The following PKIA variants were observed in gnomAD, a reference collection of about 807,000 sequenced individuals.
PKIA encodes the protein cAMP-dependent protein kinase inhibitor alpha, also known as PKI-alpha.
In PKIA, 4 loss-of-function variants were observed where a neutral mutation model predicts 7.6. The observed-to-expected ratio is 0.52, with a 90% CI of 0.26 to 1.20. The LOEUF (loss-of-function observed/expected upper bound fraction) is 1.20. PKIA is among the 50% of genes most tolerant of loss of function. The pLI is 0.13. For synonymous variants in PKIA, 21 were observed against 30.7 expected, an observed-to-expected ratio of 0.68 and a Z score of 1.04; for missense variants, 73 against 86.2, an observed-to-expected ratio of 0.85 and a Z score of 0.61.
At chr8:78,544,523 G>A (rs184912766) in intron 1 of PKIA, among the ~76,000 whole-genome samples, 131 of 152,258 alleles carry the variant, frequency 8.6e-4, no homozygotes, top group Admixed American at 3.0e-3. Flanking sequence ...TGTTTCCAGT[G>A]CCTACACTGC....
chr8:78,575,482 A>G (rs1196964787), intron 2 of PKIA, among the ~76,000 whole-genome samples: 1 of 151,966 alleles, frequency 6.6e-6, no homozygotes, highest in East Asian at 1.9e-4. Flanking sequence ...TTATCACTGT[A>G]TAATACAATG....
intron 1 of PKIA, among the ~76,000 whole-genome samples, chr8:78,546,607 T>A (rs975691295): frequency 2.0e-5 from 3 of 152,142 alleles, no homozygotes; most frequent in Non-Finnish European, 2.9e-5. Flanking sequence ...TGAGTTAAAA[T>A]TAAATGAGAT....
At chr8:78,559,173 C>T (rs1054922594) in intron 1 of PKIA, among the ~76,000 whole-genome samples, 3 of 152,148 alleles carry the variant, frequency 2.0e-5, no homozygotes, top group Non-Finnish European at 2.9e-5. Flanking sequence ...CCACCCGCCT[C>T]GGCCTCCCAA....
chr8:78,521,713 ATT>A (rs530305496), intron 1 of PKIA, among the ~76,000 whole-genome samples: 1 of 151,718 alleles, frequency 6.6e-6, no homozygotes, highest in African/African-American at 2.4e-5. Context: ...TATAATTAAA[ATT>A]TTTTTTCTGG....
chr8:78,583,777 T>A lies in PKIA; in HGVS notation c.-28+10838T>A, dbSNP rs563673951. On this transcript the variant is annotated intron_variant, in intron 2 of 3. Coordinates refer to ENST00000396418, the MANE Select transcript of PKIA (RefSeq NM_006823.4). ...TTGACCTAATCTATTATAACCTTCC[T>A]TAACCCATTTATGCCTAGTGTTCCA... Among the ~76,000 whole-genome samples the A allele has an allele frequency of 2.0e-5, 3 of 152,190 alleles. No individual in the cohort carries two copies. The East Asian group carries it at 5.8e-4, about 30-fold the overall frequency.
chr8:78,520,486 T>G (rs1007471911), intron 1 of PKIA, among the ~76,000 whole-genome samples: 1 of 152,208 alleles, frequency 6.6e-6, no homozygotes, highest in Admixed American at 6.5e-5. Flanking sequence ...TCTCATTTGA[T>G]GTTTATACTA....
chr8:78,527,370 ATAAT>A (rs1440084837), intron 1 of PKIA, among the ~76,000 whole-genome samples: 4 of 151,976 alleles, frequency 2.6e-5, no homozygotes, highest in African/African-American at 9.7e-5. Flanking sequence ...ATTATAAACT[ATAAT>A]TATGTATATG....
At chr8:78,598,657 C>A in intron 3 of PKIA, 122 bp downstream of exon 3, 2 of 728,576 alleles carry the variant, frequency 2.7e-6, no homozygotes, top group Non-Finnish European at 2.3e-6. Flanking sequence ...TTTAAACAAT[C>A]TAAGGCAAGA....
intron 1 of PKIA, among the ~76,000 whole-genome samples, chr8:78,572,452 C>G (rs1183374199): frequency 6.6e-6 from 1 of 151,400 alleles, no homozygotes; most frequent in Non-Finnish European, 1.5e-5. Flanking sequence ...AAAGAAAAGA[C>G]AGAAAACTTG....
chr8:78,534,200 GT>G (rs1470535138), intron 1 of PKIA: 1 of 152,032 alleles, frequency 6.6e-6, no homozygotes, highest in African/African-American at 2.4e-5. Context: ...TTTCCCATCA[GT>G]TTTATTTCAC....
At chr8:78,532,772 A>T (rs1806421063) in intron 1 of PKIA, among the ~76,000 whole-genome samples, 1 of 151,794 alleles carries the variant, frequency 6.6e-6, no homozygotes, top group African/African-American at 2.4e-5. Flanking sequence ...AAAATTAGCC[A>T]GGCATGATAG....
intron 3 of PKIA, among the ~76,000 whole-genome samples, chr8:78,599,418 C>T (rs1292866532): frequency 2.6e-5 from 4 of 151,912 alleles, no homozygotes; most frequent in African/African-American, 9.7e-5. Flanking sequence ...TAAGGTAAAA[C>T]CTTTAGATTA....
At chr8:78,595,566 T>G (rs1157269319) in intron 2 of PKIA, among the ~76,000 whole-genome samples, 1 of 152,214 alleles carries the variant, frequency 6.6e-6, no homozygotes, top group Admixed American at 6.5e-5. Context: ...TATAGTTTTT[T>G]GATCCTCACC....
intron 3 of PKIA, among the ~76,000 whole-genome samples, chr8:78,601,433 T>C (rs1324863389): frequency 6.6e-6 from 1 of 152,050 alleles, no homozygotes; most frequent in East Asian, 1.9e-4. Context: ...TATACCTAAG[T>C]GACATGACCT....
chr8:78,523,980 T>TTATAAATATATAAACATTTATATA lies in PKIA; in HGVS notation c.-157+7524_-157+7525insAACATTTATATATATAAATATATA, dbSNP rs1809472228. ...TATATAAATATATAAACATTTATAT[T>TTATAAATATATAAACATTTATATA]TATAAATATATATAAACATTTATAT... On this transcript the variant is annotated intron_variant, in intron 1 of 3. Coordinates refer to ENST00000396418, the MANE Select transcript of PKIA (RefSeq NM_006823.4). Among the ~76,000 whole-genome samples the TTATAAATATATAAACATTTATATA allele has an allele frequency of 7.9e-5, 7 of 88,428 alleles. 1 individual carries two copies. The highest frequency in any genetic ancestry group is 4.1e-4 in the African/African-American group (7 of 17,272). The allele number at this position is 88,428 out of a possible 152,430, so 58.0% of individuals were successfully genotyped here. A position where few individuals can be genotyped will look rare whatever the true frequency, so the allele number is the denominator to read the frequency against.
chr8:78,547,556 A>T (rs1347821956), intron 1 of PKIA, among the ~76,000 whole-genome samples: 1 of 152,186 alleles, frequency 6.6e-6, no homozygotes, highest in Non-Finnish European at 1.5e-5. Context: ...TACCAAAATC[A>T]TTCTGTAAAA....
chr8:78,533,396 T>C (rs757970658), intron 1 of PKIA, among the ~76,000 whole-genome samples: 4 of 152,164 alleles, frequency 2.6e-5, no homozygotes, highest in Non-Finnish European at 5.9e-5. Flanking sequence ...AAAATAGATA[T>C]AGATTTTAAT....
At position 78,604,800 on chromosome 8, in the gene PKIA, A is replaced by T. The variant is rs1808436212; in HGVS notation, c.*2979A>T. Reference sequence around the variant, plus strand: ...GTTAAATTTACCTTTTATCAATTGTAATCATCCTATGCCAACATATTATCA... The same window carrying T: ...GTTAAATTTACCTTTTATCAATTGTTATCATCCTATGCCAACATATTATCA... On this transcript the variant is annotated 3_prime_UTR_variant, in exon 4 of 4. Transcript: ENST00000396418. 1 of 151,996 alleles carries T rather than the reference A, an allele frequency of 6.6e-6. No individual in the cohort carries two copies. The highest frequency in any genetic ancestry group is 2.4e-5 in the African/African-American group (1 of 41,410). 9.4% of individuals were successfully genotyped at this position (151,996 alleles called of 1,614,324 possible). A position where few individuals can be genotyped will look rare whatever the true frequency, so the allele number is the denominator to read the frequency against.
At chr8:78,528,319 A>AT (rs1384380182) in intron 1 of PKIA, among the ~76,000 whole-genome samples, 2 of 152,030 alleles carry the variant, frequency 1.3e-5, no homozygotes, top group African/African-American at 4.8e-5. Flanking sequence ...TTTCTGCTTC[A>AT]TTTTAACTTT....
Sources: allele counts gnomAD v4.1 joint callset (sites outside exome capture counted in the v4.1 genomes callset), GRCh38; gene constraint gnomAD v4.1.1; transcripts MANE v1.5; gene names NCBI Gene and HGNC (gene_info 2026-07-23, HGNC 2026-07-21).